The following C7 variants were observed in gnomAD, a reference collection of about 807,000 sequenced individuals.
The protein encoded by C7 is complement C7.
In C7, 83 loss-of-function variants were observed where a neutral mutation model predicts 104.8. The ratio of observed to expected loss-of-function variants is 0.79; its 90% CI spans 0.66 to 0.95. The LOEUF (loss-of-function observed/expected upper bound fraction) is 0.95, where lower values mean the gene tolerates loss of function less well. Ranked by LOEUF, C7 falls within the 40% of genes least tolerant of loss-of-function variation. The pLI, the probability that C7 is intolerant of heterozygous loss-of-function variation, is 0.00. For missense variants in C7, 1,070 were observed against 1,011.2 expected, an observed-to-expected ratio of 1.06 and a Z score of -0.79; for synonymous variants, 415 against 360.6, an observed-to-expected ratio of 1.15 and a Z score of -1.71.
intron 6 of C7, among the ~76,000 whole-genome samples, chr5:40,939,654 C>A (rs953390103): frequency 2.0e-5 from 3 of 152,156 alleles, no homozygotes; most frequent in African/African-American, 7.2e-5. Flanking sequence ...TCCCTCTATA[C>A]CTTAGAGAAT....
chr5:40,961,095 C>G (rs1016102001), intron 12 of C7, among the ~76,000 whole-genome samples: 2 of 152,180 alleles, frequency 1.3e-5, no homozygotes, highest in Non-Finnish European at 2.9e-5. Context: ...GACACTAAGA[C>G]TTCGTATTTC....
chr5:40,917,109 T>C lies in C7; in HGVS notation c.6+7493T>C, dbSNP rs182342813. Among the ~76,000 whole-genome samples the C allele has an allele frequency of 1.7e-3, 252 of 148,514 alleles. 1 individual carries two copies. The highest frequency in any genetic ancestry group is 6.0e-3 in the African/African-American group (244 of 40,394). ...AAGACTGTGCCAATGCACTCCAGCCTGAGTGACAGAGCGAGACTCCATCTC... is the reference window on the plus strand; with the variant it reads ...AAGACTGTGCCAATGCACTCCAGCCCGAGTGACAGAGCGAGACTCCATCTC... On this transcript the variant is annotated intron_variant, in intron 1 of 17. Transcript: ENST00000313164.
At chr5:40,922,593 A>G (rs1739463831) in intron 1 of C7, among the ~76,000 whole-genome samples, 1 of 145,726 alleles carries the variant, frequency 6.9e-6, no homozygotes, top group Non-Finnish European at 1.5e-5. Flanking sequence ...TTCAACTACT[A>G]AGGAGGCTGA....
chr5:40,909,773 G>A (rs1739168913), intron 1 of C7, among the ~76,000 whole-genome samples, 157 bp downstream of exon 1: 1 of 152,128 alleles, frequency 6.6e-6, no homozygotes, highest in Non-Finnish European at 1.5e-5. Context: ...AAGACCTGGG[G>A]GTGATGTTTA....
At chr5:40,970,866 C>T (rs1463799807) in intron 14 of C7, among the ~76,000 whole-genome samples, 3 of 152,052 alleles carry the variant, frequency 2.0e-5, no homozygotes, top group South Asian at 2.1e-4. Flanking sequence ...TTTTCTGTTC[C>T]TGTGTTAGTT....
intron 1 of C7, among the ~76,000 whole-genome samples, chr5:40,924,799 A>T (rs1739518247): frequency 6.6e-6 from 1 of 152,224 alleles, no homozygotes; most frequent in South Asian, 2.1e-4. Context: ...TCACTGAGCC[A>T]AGGCTGGAGC....
intron 1 of C7, 53 bp from the exon 2 acceptor site, chr5:40,928,527 G>A: frequency 9.9e-7 from 1 of 1,012,540 alleles, no homozygotes; most frequent in Non-Finnish European, 1.5e-6. Flanking sequence ...TCAATTTATA[G>A]TTATAAAAAG....
intron 15 of C7, among the ~76,000 whole-genome samples, chr5:40,973,267 C>G (rs531213117): frequency 1.3e-5 from 2 of 152,156 alleles, no homozygotes; most frequent in South Asian, 4.2e-4. Flanking sequence ...ACAATAACCC[C>G]TTATTTATTC....
intron 1 of C7, among the ~76,000 whole-genome samples, chr5:40,921,724 T>C (rs936405377): frequency 3.3e-5 from 5 of 152,098 alleles, no homozygotes; most frequent in Non-Finnish European, 1.5e-5. Context: ...AACCAACTCA[T>C]TTCTGACAAA....
chr5:40,954,458 T>A (rs980026600), intron 9 of C7, among the ~76,000 whole-genome samples: 1 of 152,218 alleles, frequency 6.6e-6, no homozygotes, highest in Non-Finnish European at 1.5e-5. Flanking sequence ...ACTAAATATA[T>A]GCATGTAACA....
chr5:40,960,168 T>C (rs958561880), intron 12 of C7, among the ~76,000 whole-genome samples: 14 of 152,196 alleles, frequency 9.2e-5, no homozygotes, highest in African/African-American at 3.1e-4. Flanking sequence ...TTCCCATTTG[T>C]CAGGACCCTG....
intron 1 of C7, among the ~76,000 whole-genome samples, chr5:40,916,893 C>A (rs1033573886): frequency 1.3e-5 from 2 of 152,006 alleles, no homozygotes; most frequent in African/African-American, 4.8e-5. Context: ...TACTTAAAAT[C>A]TACTCTCTTA....
intron 14 of C7, among the ~76,000 whole-genome samples, chr5:40,965,644 A>ATTTTT (rs1187259916): frequency 4.7e-5 from 4 of 85,506 alleles, no homozygotes; most frequent in African/African-American, 2.7e-4. Flanking sequence ...ATATATATAT[A>ATTTTT]TATATTTTTT....
At chr5:40,974,973 C>T (rs1740783065) in intron 15 of C7, among the ~76,000 whole-genome samples, 1 of 152,156 alleles carries the variant, frequency 6.6e-6, no homozygotes, top group African/African-American at 2.4e-5. Flanking sequence ...CAGTAGCATC[C>T]TCCTATGTCA....
chr5:40,946,308 G>A (rs987730584), intron 7 of C7, among the ~76,000 whole-genome samples: 1 of 152,018 alleles, frequency 6.6e-6, no homozygotes, highest in African/African-American at 2.4e-5. Flanking sequence ...ATACAGTTAT[G>A]GCTGAATAAT....
rs180955594 is a variant in C7, at chr5:40,982,308, T to G, written c.*735T>G. 1 of 151,824 alleles carries G rather than the reference T, an allele frequency of 6.6e-6. No homozygotes were observed. Among genetic ancestry groups the G allele is most frequent in the Admixed American group, 6.6e-5 (1 of 15,246 alleles). The allele number at this position is 151,824 out of a possible 1,614,324, so 9.4% of individuals were successfully genotyped here. A position where few individuals can be genotyped will look rare whatever the true frequency, so the allele number is the denominator to read the frequency against. On this transcript the variant is annotated 3_prime_UTR_variant, in exon 18 of 18. Coordinates refer to ENST00000313164, the MANE Select transcript of C7 (RefSeq NM_000587.4). Reference sequence around the variant, plus strand: ...ACAGGTGCCCGCCACCACGCCCAGCTAATTTTTGCATTTTTAGTAGAGATG... The same window carrying G: ...ACAGGTGCCCGCCACCACGCCCAGCGAATTTTTGCATTTTTAGTAGAGATG...
intron 10 of C7, 83 bp downstream of exon 10, chr5:40,955,636 T>C: frequency 7.9e-7 from 1 of 1,259,578 alleles, no homozygotes; most frequent in East Asian, 2.4e-5. Flanking sequence ...ATCAAGATGG[T>C]TAAACAGACA....
At chr5:40,952,592 C>T (rs1740195445) in intron 9 of C7, among the ~76,000 whole-genome samples, 1 of 151,770 alleles carries the variant, frequency 6.6e-6, no homozygotes, top group South Asian at 2.1e-4. Context: ...TGTGCTACAC[C>T]CATTAACTCG....
chr5:40,917,671 T>C (rs1362931893), intron 1 of C7, among the ~76,000 whole-genome samples: 2 of 152,320 alleles, frequency 1.3e-5, no homozygotes, highest in South Asian at 2.1e-4. Context: ...CATATGCTTG[T>C]TCTATTTTTA....
Sources: gnomAD v4.1 joint callset for allele counts (sites outside exome capture counted in the v4.1 genomes callset) on GRCh38, gnomAD v4.1.1 for gene constraint, MANE v1.5 for transcripts, NCBI Gene and HGNC (gene_info 2026-07-23, HGNC 2026-07-21) for gene names.